SLC22A14: variants seen among roughly 807,000 people sequenced by gnomAD.
SLC22A14 encodes the protein organic cation transporter-like 4.
In SLC22A14, 50 loss-of-function variants were observed where a neutral mutation model predicts 53.9. The ratio of observed to expected loss-of-function variants is 0.93; its 90% confidence interval spans 0.74 to 1.17. SLC22A14 has a LOEUF of 1.17. Ranked by LOEUF, SLC22A14 falls within the 50% of genes most tolerant of loss-of-function variation. The pLI, the probability that SLC22A14 is intolerant of heterozygous loss-of-function variation, is 0.00. For synonymous variants in SLC22A14, 312 were observed against 303.0 expected, an observed-to-expected ratio of 1.03 and a Z score of -0.31; for missense variants, 671 against 734.7, an observed-to-expected ratio of 0.91 and a Z score of 1.00.
intron 1 of SLC22A14, among the ~76,000 whole-genome samples, chr3:38,287,651 C>T (rs532984845): frequency 1.5e-4 from 23 of 152,286 alleles, no homozygotes; most frequent in African/African-American, 5.1e-4. Context: ...TTGCAGGGCA[C>T]ATCATTCTTA....
chr3:38,286,821 TC>T (rs1460221033), intron 1 of SLC22A14, among the ~76,000 whole-genome samples: 3 of 152,018 alleles, frequency 2.0e-5, no homozygotes, highest in African/African-American at 7.2e-5. Context: ...AGCCTCTGCC[TC>T]CTGGGTTCAG....
chr3:38,282,211 A>G (rs1361452349), upstream of SLC22A14: 1 of 152,286 alleles, frequency 6.6e-6, no homozygotes, highest in African/African-American at 2.4e-5. Context: ...CTGGAGTAGA[A>G]TGCTGACCCT....
At chr3:38,288,527 C>A (rs975519089) in intron 1 of SLC22A14, among the ~76,000 whole-genome samples, 1 of 152,178 alleles carries the variant, frequency 6.6e-6, no homozygotes, top group African/African-American at 2.4e-5. Context: ...ATGGTGGCTA[C>A]ACCCTTTTAC....
intron 1 of SLC22A14, among the ~76,000 whole-genome samples, chr3:38,296,674 T>G (rs1202300180): frequency 1.3e-5 from 2 of 152,150 alleles, no homozygotes; most frequent in Non-Finnish European, 2.9e-5. Context: ...CCTCACAGAT[T>G]CCAAAGAATG....
chr3:38,308,337 C>T (rs1036768457), intron 4 of SLC22A14, among the ~76,000 whole-genome samples: 64 of 152,342 alleles, frequency 4.2e-4, no homozygotes, highest in African/African-American at 1.4e-3. Flanking sequence ...CCTCCTGATG[C>T]AGCTGTCTTC....
chr3:38,310,135 T>C (rs1704428216), intron 5 of SLC22A14, among the ~76,000 whole-genome samples: 1 of 152,112 alleles, frequency 6.6e-6, no homozygotes. Context: ...CCCAACACTT[T>C]GGGAGGCTGG....
At chr3:38,298,067 A>G (rs1043353770) in intron 1 of SLC22A14, among the ~76,000 whole-genome samples, 4 of 152,176 alleles carry the variant, frequency 2.6e-5, no homozygotes, top group African/African-American at 9.7e-5. Context: ...ACTTATTTAT[A>G]TTATTATGGA....
intron 10 of SLC22A14, 140 bp from the exon 11 acceptor site, chr3:38,318,058 C>T (rs1704669147): frequency 2.8e-6 from 2 of 719,140 alleles, no homozygotes; most frequent in South Asian, 3.5e-5. Flanking sequence ...CCTGGCAAAG[C>T]TCGGCTGGGG....
intron 1 of SLC22A14, among the ~76,000 whole-genome samples, chr3:38,301,163 A>G (rs182819037): frequency 7.2e-5 from 11 of 152,336 alleles, no homozygotes; most frequent in Admixed American, 4.6e-4. Context: ...CAAAAGTTCA[A>G]TTCCAGAAGC....
upstream of SLC22A14, among the ~76,000 whole-genome samples, chr3:38,281,723 AGCCATAG>A (rs150020017): frequency 1.3e-3 from 194 of 152,320 alleles, 4 homozygotes; most frequent in East Asian, 0.033. Context: ...ACAAATATTA[AGCCATAG>A]CAATGCTCTA....
chr3:38,306,471 C>T lies in SLC22A14; in HGVS notation c.445C>T (p.Leu149Phe). The T allele has an allele frequency of 6.2e-7, 1 of 1,614,170 alleles. No individual in the cohort carries two copies. The highest frequency in any genetic ancestry group is 8.5e-7 in the Non-Finnish European group (1 of 1,180,018). Residue 149 changes from leucine to phenylalanine, a missense_variant, in exon 2 of 11, where the codon CTC becomes TTC. Coordinates refer to ENST00000448498, the MANE Select transcript of SLC22A14 (RefSeq NM_001320033.2). The stretch of plus-strand genomic sequence containing the variant: ...TCTGGATTCTATCATCCAGTTTGGC[C>T]TCAATGACACAGACACATGCCAAGA... ...WNLDSIIQFGLNDTDTCQDGW... is the reference protein window; with the variant it reads ...WNLDSIIQFGFNDTDTCQDGW...
At chr3:38,315,732 G>C in intron 9 of SLC22A14, 21 bp downstream of exon 9, 1 of 1,604,404 alleles carries the variant, frequency 6.2e-7, no homozygotes, top group Non-Finnish European at 8.5e-7. Flanking sequence ...TGGTGGGCGA[G>C]GGGGCCATGG....
chr3:38,282,659 G>A (rs2125867117), intron 1 of SLC22A14, among the ~76,000 whole-genome samples: 1 of 152,300 alleles, frequency 6.6e-6, no homozygotes, highest in East Asian at 1.9e-4. Context: ...CTGTCCACCT[G>A]GCAGAGGACC....
At chr3:38,303,275 G>C (rs1704212880) in intron 1 of SLC22A14, among the ~76,000 whole-genome samples, 1 of 151,636 alleles carries the variant, frequency 6.6e-6, no homozygotes, top group Non-Finnish European at 1.5e-5. Context: ...ACTTTCTTTA[G>C]ATTTATTCTT....
chr3:38,279,263 T>C (rs1038153207), upstream of SLC22A14, among the ~76,000 whole-genome samples: 7 of 152,290 alleles, frequency 4.6e-5, no homozygotes, highest in South Asian at 6.2e-4. Context: ...TACTAGCAAG[T>C]CTTTCTGGGC....
Position 38,316,415 on chromosome 3 carries a change from A to G in SLC22A14, c.1624A>G (p.Ile542Val), listed in dbSNP as rs1273641677. ...CAGCCAGACCCCCTCCCTCCTGCCCATCTTTCTCTGCTGCGTCTTAGCCAT... is the reference window on the plus strand; with the variant it reads ...CAGCCAGACCCCCTCCCTCCTGCCCGTCTTTCTCTGCTGCGTCTTAGCCAT... ...IISQTPSLLP[I>V]FLCCVLAIVA... The change falls in exon 10 of 11, where the codon ATC (isoleucine) becomes GTC (valine). Residue 542 changes from isoleucine to valine, a missense_variant. By Grantham distance (29) the Ile-to-Val change is conservative. Coordinates refer to ENST00000448498, the MANE Select transcript of SLC22A14 (RefSeq NM_001320033.2). 2 of 1,613,708 alleles carry G rather than the reference A, an allele frequency of 1.2e-6. No homozygotes were observed. The highest frequency in any genetic ancestry group is 2.7e-5 in the African/African-American group (2 of 74,796).
chr3:38,283,377 C>T (rs569398691), intron 1 of SLC22A14, among the ~76,000 whole-genome samples: 1 of 152,262 alleles, frequency 6.6e-6, no homozygotes, highest in South Asian at 2.1e-4. Context: ...CCAGCACACA[C>T]ACATCTAAGC....
chr3:38,307,130 G>A lies in SLC22A14; in HGVS notation c.517-124G>A. ...AGAGCAGAGGCAACAGCTGAGGCAC[G>A]CTGCACACTGTTAACTGCCCCTACC... On this transcript the variant is annotated intron_variant, in intron 2 of 10. Coordinates refer to ENST00000448498, the MANE Select transcript of SLC22A14 (RefSeq NM_001320033.2). This position sits in a 1 kb window ranked among gnomAD's most constrained non-coding sequence, Gnocchi z 4.4. 2 of 730,718 alleles carry A rather than the reference G, an allele frequency of 2.7e-6. No homozygotes were observed. The highest frequency in any genetic ancestry group is 2.5e-6 in the Non-Finnish European group (1 of 396,900). The allele number at this position is 730,718 out of a possible 1,614,324, so 45.3% of individuals were successfully genotyped here. A position where few individuals can be genotyped will look rare whatever the true frequency, so the allele number is the denominator to read the frequency against.
intron 5 of SLC22A14, among the ~76,000 whole-genome samples, chr3:38,312,352 T>G (rs1704490556): frequency 6.6e-6 from 1 of 152,172 alleles, no homozygotes; most frequent in African/African-American, 2.4e-5. Context: ...CAAGCACCAT[T>G]TTTCACACAT....
Sources: gnomAD v4.1 joint callset for allele counts (sites outside exome capture counted in the v4.1 genomes callset) on GRCh38, gnomAD v4.1.1 for gene constraint, Gnocchi (gnomAD v3.1) non-coding constraint, MANE v1.5 for transcripts, NCBI Gene and HGNC (gene_info 2026-07-23, HGNC 2026-07-21) for gene names.